Variants in LRP1B observed in about 807,000 individuals in gnomAD.
LRP1B encodes low-density lipoprotein receptor-related protein 1B.
In LRP1B, 217 loss-of-function variants were observed where a neutral mutation model predicts 556.6. The observed-to-expected ratio is 0.39, with a 90% confidence interval of 0.35 to 0.44. The LOEUF is 0.44. Ranked by LOEUF, LRP1B falls within the 20% of genes least tolerant of loss-of-function variation. The probability of loss-of-function intolerance (pLI) is 1.00; values close to 1 mark genes in which losing one functional copy is unlikely to be tolerated. For synonymous variants in LRP1B, 2,047 were observed against 1,865.8 expected (o/e 1.10, Z -2.50); for missense variants, 5,053 against 5,620.8 (o/e 0.90, Z 3.23).
rs575860443 is a variant in LRP1B, at chr2:142,065,733, C to G, written c.82+64915G>C. On this transcript the variant is annotated intron_variant, in intron 1 of 90. Transcript: ENST00000389484. ...GGCCTCAAACTGTTTACATTTGCCA[C>G]AAATGAAAAACACCTTCACCCCATT... 2.0e-5 allele frequency among the ~76,000 whole-genome samples: 3 copies of G among 151,454 alleles called. No individual in the cohort carries two copies. The South Asian group carries it at 6.2e-4, about 31-fold the overall frequency.
At chr2:141,316,191 C>A (rs987594) in intron 3 of LRP1B, among the ~76,000 whole-genome samples, 40,027 of 151,800 alleles carry the variant, frequency 0.26, 5,965 homozygotes, top group Middle Eastern at 0.45. Flanking sequence ...TTATAAGATT[C>A]TTTTCCTTTT....
At chr2:141,434,462 TG>T (rs1403654478) in intron 3 of LRP1B, among the ~76,000 whole-genome samples, 2 of 118,582 alleles carry the variant, frequency 1.7e-5, no homozygotes, top group African/African-American at 5.4e-5. Context: ...CTCTTTCTTA[TG>T]TTTTTTTTAT....
At chr2:141,907,542 T>A (rs1699792591) in intron 1 of LRP1B, among the ~76,000 whole-genome samples, 1 of 151,942 alleles carries the variant, frequency 6.6e-6, no homozygotes, top group Non-Finnish European at 1.5e-5. Context: ...AAACTAAATA[T>A]TTACTTAAGA....
chr2:140,236,573 C>CT (rs1449891832), intron 89 of LRP1B, among the ~76,000 whole-genome samples: 4 of 150,836 alleles, frequency 2.7e-5, no homozygotes, highest in African/African-American at 9.7e-5. Flanking sequence ...CCAACCTCAG[C>CT]TTATAGTAAT....
chr2:142,018,803 A>T (rs1346870560), intron 1 of LRP1B, among the ~76,000 whole-genome samples: 1 of 151,080 alleles, frequency 6.6e-6, no homozygotes, highest in African/African-American at 2.4e-5. Flanking sequence ...TTTTTTCCCC[A>T]GAAGCCAGAT....
rs1036536839 is a variant in LRP1B at position 140,478,790 on chromosome 2, TGTGA to T, written c.9426-3457_9426-3454del. ...TTACAGTTTCTTCTCACAGGGTCAC[TGTGA>T]GTATTAAATGAGAGAATATATGAAA... On this transcript the variant is annotated intron_variant, in intron 59 of 90. Transcript: ENST00000389484. Among the ~76,000 whole-genome samples the T allele has an allele frequency of 3.4e-4, 52 of 152,224 alleles. 1 individual carries two copies. The highest frequency in any genetic ancestry group is 1.2e-3 in the African/African-American group (51 of 41,552).
At chr2:141,409,130 A>G (rs980250517) in intron 3 of LRP1B, among the ~76,000 whole-genome samples, 1 of 152,218 alleles carries the variant, frequency 6.6e-6, no homozygotes, top group African/African-American at 2.4e-5. Flanking sequence ...ACTAATATCT[A>G]TCATTTAAGT....
At chr2:141,810,251 C>G (rs752014100) in intron 2 of LRP1B, 28 bp downstream of exon 2, 9 of 1,608,850 alleles carry the variant, frequency 5.6e-6, no homozygotes, top group Admixed American at 1.7e-5. Context: ...AAGGTAAATC[C>G]GAATGGCATG....
intron 7 of LRP1B, among the ~76,000 whole-genome samples, chr2:141,166,754 T>C (rs1680282389): frequency 6.6e-6 from 1 of 151,982 alleles, no homozygotes; most frequent in South Asian, 2.1e-4. Flanking sequence ...TGTGCAGTTG[T>C]CTTCATCTAT....
At chr2:140,641,249 A>T (rs1282121970) in intron 41 of LRP1B, among the ~76,000 whole-genome samples, 1 of 152,210 alleles carries the variant, frequency 6.6e-6, no homozygotes, top group East Asian at 1.9e-4. Flanking sequence ...AATTAGCTTT[A>T]CCCAAGGTTT....
intron 47 of LRP1B, among the ~76,000 whole-genome samples, chr2:140,528,595 T>A (rs754782115): frequency 6.6e-5 from 10 of 151,848 alleles, no homozygotes; most frequent in Admixed American, 6.6e-4. Flanking sequence ...AGGAACAGAT[T>A]GTCCCTTTGT....
chr2:141,450,095 G>A (rs1240217632), intron 3 of LRP1B, among the ~76,000 whole-genome samples: 1 of 152,164 alleles, frequency 6.6e-6, no homozygotes, highest in Non-Finnish European at 1.5e-5. Flanking sequence ...GATAAAGGAA[G>A]AGAAGGAGGG....
intron 86 of LRP1B, among the ~76,000 whole-genome samples, chr2:140,265,997 A>C (rs1682185395): frequency 6.6e-6 from 1 of 152,030 alleles, no homozygotes; most frequent in Non-Finnish European, 1.5e-5. Context: ...AAATCTGAGG[A>C]ACATGACTGT....
In LRP1B at chr2:140,444,690, A is replaced by C. The variant is rs763959873; in HGVS notation, c.10058-11T>G. ...GACATCTAAATTCAGCTAGGGGAGA[A>C]AGCATAGATATTGTGGAATGGTAAT... On this transcript the variant is annotated splice_polypyrimidine_tract_variant and intron_variant, in intron 63 of 90. Transcript: ENST00000389484. 3.4e-5 allele frequency: 52 copies of C among 1,537,288 alleles called. No individual in the cohort carries two copies. The highest frequency in any genetic ancestry group is 4.7e-5 in the Non-Finnish European group (52 of 1,111,134).
intron 2 of LRP1B, among the ~76,000 whole-genome samples, chr2:141,571,218 C>T (rs1268852301): frequency 6.6e-6 from 1 of 151,052 alleles, no homozygotes; most frequent in East Asian, 1.9e-4. Context: ...CCCACATTTG[C>T]TGTTCTCCAG....
intron 69 of LRP1B, among the ~76,000 whole-genome samples, chr2:140,371,636 T>G (rs886478158): frequency 6.6e-6 from 1 of 151,702 alleles, no homozygotes; most frequent in Non-Finnish European, 1.5e-5. Flanking sequence ...AATTTTAAAT[T>G]AAATCATTTT....
chr2:141,239,510 G>T (rs1286315096), intron 5 of LRP1B, among the ~76,000 whole-genome samples: 1 of 151,974 alleles, frequency 6.6e-6, no homozygotes, highest in African/African-American at 2.4e-5. Flanking sequence ...TAAGAGAAAA[G>T]AAAATACCAG....
chr2:141,865,596 A>AAAAAAAAAAAAG (rs1426367877), intron 1 of LRP1B, among the ~76,000 whole-genome samples: 1 of 134,610 alleles, frequency 7.4e-6, no homozygotes, highest in Non-Finnish European at 1.7e-5. Context: ...CGTCTCAAAA[A>AAAAAAAAAAAAG]AAAAAAAAAA....
At chr2:140,965,405 G>A (rs965416728) in intron 18 of LRP1B, among the ~76,000 whole-genome samples, 1 of 151,650 alleles carries the variant, frequency 6.6e-6, no homozygotes, top group African/African-American at 2.4e-5. Flanking sequence ...TGGAGGATGA[G>A]CAAAATAGTA....
Sources: allele counts gnomAD v4.1 joint callset (sites outside exome capture counted in the v4.1 genomes callset), GRCh38; gene constraint gnomAD v4.1.1; transcripts MANE v1.5; gene names NCBI Gene and HGNC (gene_info 2026-07-23, HGNC 2026-07-21).